Variants in TOMM34 observed in about 807,000 individuals in gnomAD.
TOMM34 encodes the protein mitochondrial import receptor subunit TOM34.
In TOMM34, 24 loss-of-function variants were observed where a neutral mutation model predicts 37.4. That is an observed-to-expected ratio of 0.64 (90% CI 0.46 to 0.90). TOMM34 has a LOEUF of 0.90. Ranked by LOEUF, TOMM34 falls within the 40% of genes least tolerant of loss-of-function variation. TOMM34 has a pLI of 0.00. For synonymous variants in TOMM34, 154 were observed against 148.9 expected (o/e 1.03, Z -0.25); for missense variants, 304 against 375.6 (o/e 0.81, Z 1.58).
chr20:44,952,644 T>C, intron 3 of TOMM34: 1 of 717,530 alleles, frequency 1.4e-6, no homozygotes, highest in East Asian at 2.7e-5. Flanking sequence ...ATTCTTTAGA[T>C]TTCAGCTTAA....
chr20:44,952,353 C>A (rs1313307329), intron 3 of TOMM34, among the ~76,000 whole-genome samples: 2 of 150,334 alleles, frequency 1.3e-5, no homozygotes, highest in African/African-American at 4.8e-5. Flanking sequence ...AAGTACACAA[C>A]CATGCAAGCA....
At position 44,958,476 on chromosome 20, in the gene TOMM34, A is replaced by G; in HGVS notation, c.127+1731T>C. ...CAGTGGTGCGGTGGAAAGGGCATCA[A>G]CCCTGCGATCCGGACAAGTCACTCC... On this transcript the variant is annotated intron_variant, in intron 1 of 6. Transcript: ENST00000372813. 9 of 452,856 alleles carry G rather than the reference A, an allele frequency of 2.0e-5. 2 individuals are homozygous for G. Among genetic ancestry groups the G allele is most frequent in the South Asian group, 1.4e-4 (9 of 62,880 alleles). 28.1% of individuals were successfully genotyped at this position (452,856 alleles called of 1,614,324 possible). A position where few individuals can be genotyped will look rare whatever the true frequency, so the allele number is the denominator to read the frequency against.
intron 1 of TOMM34, among the ~76,000 whole-genome samples, chr20:44,956,999 G>T (rs2067079609): frequency 6.6e-6 from 1 of 152,170 alleles, no homozygotes; most frequent in Non-Finnish European, 1.5e-5. Flanking sequence ...AGTTTTACCT[G>T]GTCAAGCCAG....
chr20:44,954,348 G>A (rs1353862458), intron 3 of TOMM34, among the ~76,000 whole-genome samples: 1 of 152,218 alleles, frequency 6.6e-6, no homozygotes, highest in Non-Finnish European at 1.5e-5. Context: ...AGCAAAGTCT[G>A]TCACATAATT....
intron 5 of TOMM34, among the ~76,000 whole-genome samples, chr20:44,943,959 A>G (rs1029058416): frequency 4.0e-5 from 6 of 151,722 alleles, no homozygotes; most frequent in African/African-American, 1.5e-4. Context: ...TTAAAAAATT[A>G]TCTACTTTAA....
At position 44,943,002 on chromosome 20, in the gene TOMM34, C is replaced by T; in HGVS notation, c.*107G>A. 7 of 1,048,712 alleles carry T rather than the reference C, an allele frequency of 6.7e-6. No homozygotes were observed. The South Asian group carries it at 9.6e-5, about 14-fold the overall frequency. 65.0% of individuals were successfully genotyped at this position (1,048,712 alleles called of 1,614,324 possible). A position where few individuals can be genotyped will look rare whatever the true frequency, so the allele number is the denominator to read the frequency against. On this transcript the variant is annotated 3_prime_UTR_variant, in exon 7 of 7. Coordinates refer to ENST00000372813, the MANE Select transcript of TOMM34 (RefSeq NM_006809.5). ...CATCAAGGGATTGAGGAGGGGGCTT[C>T]AGAGCTCACTTGGGGCATGCTGGGT...
intron 5 of TOMM34, among the ~76,000 whole-genome samples, chr20:44,944,956 T>C (rs1263728092): frequency 6.6e-6 from 1 of 152,216 alleles, no homozygotes. Context: ...CTGTAACATT[T>C]TTTTCCCTTC....
intron 4 of TOMM34, among the ~76,000 whole-genome samples, chr20:44,951,485 C>T (rs1490349662): frequency 6.6e-6 from 1 of 152,112 alleles, no homozygotes; most frequent in African/African-American, 2.4e-5. Context: ...CTATGTTTAC[C>T]ATGTTGAGCT....
At chr20:44,945,521 G>A (rs1217297594) in intron 5 of TOMM34, among the ~76,000 whole-genome samples, 1 of 152,180 alleles carries the variant, frequency 6.6e-6, no homozygotes, top group African/African-American at 2.4e-5. Flanking sequence ...AACTGACAGG[G>A]AAGAAGCCAA....
intron 3 of TOMM34, chr20:44,952,519 A>C: frequency 2.8e-6 from 2 of 702,436 alleles, no homozygotes; most frequent in Non-Finnish European, 5.3e-6. Context: ...TGTGAGCCAC[A>C]TTCTCTTCTG....
chr20:44,947,052 A>G (rs1039852205), intron 5 of TOMM34, among the ~76,000 whole-genome samples: 3 of 152,232 alleles, frequency 2.0e-5, no homozygotes, highest in African/African-American at 7.2e-5. Flanking sequence ...AAGACAAAAC[A>G]CAGCTCCAAA....
Position 44,959,478 on chromosome 20 carries a change from T to G in TOMM34, c.127+729A>C, listed in dbSNP as rs1438226420. Among the ~76,000 whole-genome samples, 3 of 152,118 alleles carry G rather than the reference T, an allele frequency of 2.0e-5. No homozygotes were observed. The East Asian group carries it at 5.8e-4, about 29-fold the overall frequency. On this transcript the variant is annotated intron_variant, in intron 1 of 6. Transcript: ENST00000372813. ...GCCAAGCTTCCAGTTTGGCATGAAA[T>G]CCGAACTCCTTAGCAGAGTTTACAA...
At position 44,948,820 on chromosome 20, in the gene TOMM34, A is replaced by C. The variant is rs778934240; in HGVS notation, c.608T>G (p.Leu203Arg). The change falls in exon 5 of 7, where the codon CTT becomes CGT. Residue 203 changes from leucine (L) to arginine (R), a missense_variant. By Grantham distance (102) the Leu-to-Arg change is moderately radical. Transcript: ENST00000372813. ...ARVLKEEGNE[L>R]VKKGNHKKAI... ...TTTCTTATGGTTTCCCTTCTTTACA[A>C]GCTCATTGCCTTCTTCCTTCAGAAC... 1 of 1,613,988 alleles carries C rather than the reference A, an allele frequency of 6.2e-7. No individual in the cohort carries two copies. The highest frequency in any genetic ancestry group is 1.3e-5 in the African/African-American group (1 of 74,894).
At chr20:44,949,367 TAAAGA>T (rs2067007081) in intron 4 of TOMM34, among the ~76,000 whole-genome samples, 2 of 152,146 alleles carry the variant, frequency 1.3e-5, no homozygotes, top group Non-Finnish European at 2.9e-5. Context: ...AAATATCTGG[TAAAGA>T]AAAGGTATAG....
chr20:44,952,059 T>C (rs2067031472), intron 3 of TOMM34, 57 bp from the exon 4 acceptor site: 1 of 1,559,576 alleles, frequency 6.4e-7, no homozygotes, highest in Non-Finnish European at 8.7e-7. Flanking sequence ...AAGATATTTC[T>C]CCTTTCACAC....
intron 2 of TOMM34, 106 bp from the exon 3 acceptor site, chr20:44,955,326 T>A: frequency 7.0e-7 from 1 of 1,437,774 alleles, no homozygotes; most frequent in Non-Finnish European, 9.5e-7. Flanking sequence ...GTACAGGAAG[T>A]AATTTCTGGC....
Position 44,943,332 on chromosome 20 carries a change from G to T in TOMM34, c.826-119C>A, listed in dbSNP as rs539948179. On this transcript the variant is annotated intron_variant, in intron 6 of 6. Transcript: ENST00000372813. ...ACAGGCCTGCTCTGAGTTATCCTGG[G>T]CCCAGGATGAGAAGGAAAAGCTGCA... is the stretch of plus-strand genomic sequence containing the variant. 7 of 1,593,386 alleles carry T rather than the reference G, an allele frequency of 4.4e-6. No homozygotes were observed. The South Asian group carries it at 6.8e-5, about 15-fold the overall frequency.
In TOMM34 at chr20:44,956,376, G is replaced by T; in HGVS notation, c.227+10C>A. ...CCTCAGGCATCCCAAAATTACCCTT[G>T]GCCACTTACGAAGTGCAATCTTTGA... On this transcript the variant is annotated intron_variant, in intron 2 of 6. Transcript: ENST00000372813. The T allele has an allele frequency of 6.2e-7, 1 of 1,613,716 alleles. No individual in the cohort carries two copies. The highest frequency in any genetic ancestry group is 8.5e-7 in the Non-Finnish European group (1 of 1,179,732).
Position 44,942,986 on chromosome 20 carries a change from A to C in TOMM34, c.*123T>G. ...TTACAGGGTGGGAGGCCATCAAGGG[A>C]TTGAGGAGGGGGCTTCAGAGCTCAC... On this transcript the variant is annotated 3_prime_UTR_variant, in exon 7 of 7. Transcript: ENST00000372813. 1 of 836,480 alleles carries C rather than the reference A, an allele frequency of 1.2e-6. No individual in the cohort carries two copies. Among genetic ancestry groups the C allele is most frequent in the Non-Finnish European group, 2.0e-6 (1 of 509,530 alleles). The allele number at this position is 836,480 out of a possible 1,614,324, so 51.8% of individuals were successfully genotyped here.
Sources: gnomAD v4.1 joint callset for allele counts (sites outside exome capture counted in the v4.1 genomes callset) on GRCh38, gnomAD v4.1.1 for gene constraint, MANE v1.5 for transcripts, NCBI Gene and HGNC (gene_info 2026-07-23, HGNC 2026-07-21) for gene names.